Variants in DYM observed in about 807,000 individuals in gnomAD.
The protein encoded by DYM is dyggve-Melchior-Clausen syndrome protein.
In DYM, 78 loss-of-function variants were observed where a neutral mutation model predicts 93.1. That is an observed-to-expected ratio of 0.84 (90% CI 0.70 to 1.01). The LOEUF is 1.01. DYM is among the 50% of genes least tolerant of loss of function. The pLI is 0.00. For missense variants in DYM, 789 were observed against 845.0 expected (o/e 0.93, Z 0.82); for synonymous variants, 321 against 319.7 (o/e 1.00, Z -0.04).
rs1272826444 is a variant in DYM at position 49,087,744 on chromosome 18, A to G, written c.2025+9658T>C. ...GTTTACAGTCCCACCAACAGTGTAA[A>G]AGTGTTCCTATTTCTCCACATCCTC... On this transcript the variant is annotated intron_variant, in intron 17 of 17. Coordinates refer to ENST00000675505, the MANE Select transcript of DYM (RefSeq NM_001353214.3). Among the ~76,000 whole-genome samples, 4 of 152,086 alleles carry G rather than the reference A, an allele frequency of 2.6e-5. No individual in the cohort carries two copies. The East Asian group carries it at 5.8e-4, about 22-fold the overall frequency.
intron 6 of DYM, among the ~76,000 whole-genome samples, chr18:49,354,503 T>C (rs781334138): frequency 6.6e-6 from 1 of 152,062 alleles, no homozygotes; most frequent in Non-Finnish European, 1.5e-5. Flanking sequence ...TGAGAATAAA[T>C]GCCACAGGCT....
chr18:49,356,730 A>G (rs1385295819), intron 6 of DYM, among the ~76,000 whole-genome samples: 2 of 152,196 alleles, frequency 1.3e-5, no homozygotes, highest in Admixed American at 6.5e-5. Flanking sequence ...ACTCACTGTT[A>G]CTACCAAATG....
chr18:49,453,584 G>T (rs568858972), intron 1 of DYM, among the ~76,000 whole-genome samples: 39 of 152,212 alleles, frequency 2.6e-4, no homozygotes, highest in African/African-American at 8.9e-4. Context: ...CTCACCGTGA[G>T]GGTCCGTGGC....
At chr18:49,281,386 T>A (rs1018933529) in intron 10 of DYM, among the ~76,000 whole-genome samples, 13 of 152,274 alleles carry the variant, frequency 8.5e-5, no homozygotes, top group South Asian at 6.2e-4. Flanking sequence ...ATTGTGGAAG[T>A]CAGTGTGGCA....
intron 6 of DYM, among the ~76,000 whole-genome samples, chr18:49,353,226 C>G (rs1677940846): frequency 1.3e-5 from 2 of 152,068 alleles, no homozygotes; most frequent in African/African-American, 4.8e-5. Flanking sequence ...GTCTTCTGAT[C>G]TAGAAATTAG....
At chr18:49,457,595 T>C (rs2083103265) in intron 1 of DYM, among the ~76,000 whole-genome samples, 1 of 152,232 alleles carries the variant, frequency 6.6e-6, no homozygotes, top group Non-Finnish European at 1.5e-5. Flanking sequence ...TCGTTGCATG[T>C]ACAGCAGCAA....
intron 11 of DYM, among the ~76,000 whole-genome samples, chr18:49,261,189 A>C (rs1180172263): frequency 6.6e-6 from 1 of 152,178 alleles, no homozygotes; most frequent in Non-Finnish European, 1.5e-5. Flanking sequence ...AATATGTTTG[A>C]AAGTACAAGT....
intron 11 of DYM, among the ~76,000 whole-genome samples, chr18:49,268,844 T>C (rs966835885): frequency 3.3e-5 from 5 of 152,138 alleles, no homozygotes; most frequent in Admixed American, 6.5e-5. Context: ...AAAAAGTTGA[T>C]TACATCAGTG....
intron 14 of DYM, among the ~76,000 whole-genome samples, chr18:49,203,012 GC>G (rs2092189354): frequency 4.7e-5 from 2 of 42,958 alleles, no homozygotes; most frequent in African/African-American, 7.6e-5. Flanking sequence ...GGGGGGGTCA[GC>G]CCCCCGCCTG....
Position 49,286,522 on chromosome 18 carries a change from C to T in DYM, c.858G>A (p.Leu286=), listed in dbSNP as rs776174444. 2.5e-6 allele frequency: 4 copies of T among 1,614,034 alleles called. No individual in the cohort carries two copies. The highest frequency in any genetic ancestry group is 1.7e-6 in the Non-Finnish European group (2 of 1,180,014). ...TCAGATTGGCCAACACCAGCAGAAG[C>T]AGGAGACTCTGGTTGGCCAGAGGGG... is the stretch of plus-strand genomic sequence containing the variant. The part of the protein sequence containing the change: ...LSSPLANQSL[L]LLLVLANLTD... Residue 286 remains leucine (L), a synonymous_variant, in exon 9 of 18, where the codon CTG becomes CTA. Transcript: ENST00000675505.
intron 13 of DYM, among the ~76,000 whole-genome samples, chr18:49,251,814 G>A (rs1348821320): frequency 6.6e-6 from 1 of 152,136 alleles, no homozygotes; most frequent in African/African-American, 2.4e-5. Flanking sequence ...CAGAGGCTAT[G>A]TGCTTATCCT....
At chr18:49,302,242 C>T (rs535251544) in intron 8 of DYM, among the ~76,000 whole-genome samples, 3 of 152,258 alleles carry the variant, frequency 2.0e-5, no homozygotes, top group South Asian at 4.1e-4. Flanking sequence ...TTACATCCAC[C>T]ATTATTAACA....
chr18:49,213,229 CTAA>C (rs1398155417), intron 13 of DYM, among the ~76,000 whole-genome samples: 5 of 151,372 alleles, frequency 3.3e-5, no homozygotes, highest in Non-Finnish European at 5.9e-5. Context: ...GTGAAGTTTT[CTAA>C]TAATGTATTT....
chr18:49,171,374 C>T (rs772894022), intron 14 of DYM, among the ~76,000 whole-genome samples: 3 of 152,060 alleles, frequency 2.0e-5, no homozygotes, highest in Non-Finnish European at 2.9e-5. Flanking sequence ...TCAGTCCTTC[C>T]TCTAACACAC....
At chr18:49,272,123 T>C (rs926059483) in intron 11 of DYM, 55 bp downstream of exon 11, 4 of 1,535,994 alleles carry the variant, frequency 2.6e-6, no homozygotes, top group Non-Finnish European at 3.6e-6. Context: ...AAATCTTACG[T>C]AGGGACATGT....
chr18:49,175,337 A>G (rs560184764), intron 14 of DYM, among the ~76,000 whole-genome samples: 1 of 152,296 alleles, frequency 6.6e-6, no homozygotes, highest in East Asian at 1.9e-4. Context: ...AATCAGAAAC[A>G]AGCAGTCTTA....
chr18:49,452,493 C>T (rs2082605858), intron 1 of DYM, among the ~76,000 whole-genome samples: 1 of 151,956 alleles, frequency 6.6e-6, no homozygotes, highest in Admixed American at 6.6e-5. Flanking sequence ...GTTTACAATC[C>T]CTGAGCTAGA....
chr18:49,326,268 T>A (rs917388688), intron 8 of DYM, among the ~76,000 whole-genome samples: 1 of 152,196 alleles, frequency 6.6e-6, no homozygotes, highest in South Asian at 2.1e-4. Flanking sequence ...ATATATCAAT[T>A]AATTCTTTTT....
At chr18:49,370,280 G>GAAA (rs35985394) in intron 5 of DYM, among the ~76,000 whole-genome samples, 17 of 121,008 alleles carry the variant, frequency 1.4e-4, no homozygotes, top group African/African-American at 5.6e-4. Flanking sequence ...CTCCATCTCA[G>GAAA]AAAAAAAAAA....
Sources: allele counts gnomAD v4.1 joint callset (sites outside exome capture counted in the v4.1 genomes callset), GRCh38; gene constraint gnomAD v4.1.1; transcripts MANE v1.5; gene names NCBI Gene and HGNC (gene_info 2026-07-23, HGNC 2026-07-21).